ZNF568: variants seen among roughly 807,000 people sequenced by gnomAD.
ZNF568 encodes the protein zinc finger protein 568, also known as p53 inhibitor of SCO2 activation.
A neutral mutation model predicts 18.1 loss-of-function variants in ZNF568; 11 were observed. The observed-to-expected ratio is 0.61, with a 90% confidence interval of 0.38 to 1.00. ZNF568 has a LOEUF of 1.00. Among genes scored for constraint, ZNF568 ranks in the 50% least tolerant of loss-of-function variants. The pLI, the probability that ZNF568 is intolerant of heterozygous loss-of-function variation, is 0.01. For synonymous variants in ZNF568, 213 were observed against 246.6 expected, an observed-to-expected ratio of 0.86 and a Z score of 1.28; for missense variants, 639 against 768.2, an observed-to-expected ratio of 0.83 and a Z score of 1.99.
chr19:36,971,434 A>G (rs2074235158), intron 6 of ZNF568, among the ~76,000 whole-genome samples: 1 of 152,090 alleles, frequency 6.6e-6, no homozygotes. Flanking sequence ...ATGAAATGTT[A>G]TAAGTAATGT....
At chr19:36,996,821 G>T in exon 5 of ZNF568, 1 of 1,550,746 alleles carries the variant, frequency 6.4e-7, no homozygotes, top group Non-Finnish European at 8.7e-7. Flanking sequence ...AAAGCCTTTC[G>T]TTCCAGCTCA....
intron 7 of ZNF568, among the ~76,000 whole-genome samples, chr19:36,977,787 G>T (rs1004137410): frequency 5.9e-5 from 9 of 152,178 alleles, no homozygotes; most frequent in South Asian, 2.1e-4. Context: ...GCTAATGGGA[G>T]GCTGTGCATT....
intron 4 of ZNF568, among the ~76,000 whole-genome samples, chr19:36,933,980 TC>T (rs200561109): frequency 0.017 from 2,403 of 145,622 alleles, 84 homozygotes; most frequent in African/African-American, 0.057. Flanking sequence ...TTTCATCTTT[TC>T]TTTTTGTTGC....
chr19:36,930,508 C>T (rs1422378792), intron 4 of ZNF568, among the ~76,000 whole-genome samples: 2 of 152,128 alleles, frequency 1.3e-5, no homozygotes, highest in African/African-American at 4.8e-5. Context: ...CGCGCCTGGC[C>T]AGGGGTGCAA....
chr19:36,933,909 T>G (rs1399607231), intron 4 of ZNF568, among the ~76,000 whole-genome samples: 5 of 32,842 alleles, frequency 1.5e-4, no homozygotes, highest in South Asian at 1.7e-3. Flanking sequence ...GTTTTTTTTT[T>G]TGTTTTGTTT....
chr19:36,982,797 A>G (rs1339437486), downstream of ZNF568, among the ~76,000 whole-genome samples: 1 of 152,218 alleles, frequency 6.6e-6, no homozygotes, highest in Non-Finnish European at 1.5e-5. Flanking sequence ...TTCCAGTATC[A>G]TGTACACCTT....
At chr19:36,955,499 C>A (rs544940862), downstream of ZNF568, among the ~76,000 whole-genome samples, 1 of 152,056 alleles carries the variant, frequency 6.6e-6, no homozygotes, top group Non-Finnish European at 1.5e-5. Flanking sequence ...AGCAGATGAT[C>A]TGGTCTCTGT....
intron 6 of ZNF568, among the ~76,000 whole-genome samples, chr19:36,947,802 T>A (rs1348308129): frequency 6.6e-6 from 1 of 152,146 alleles, no homozygotes; most frequent in African/African-American, 2.4e-5. Flanking sequence ...ATTAATAAAC[T>A]TCATCTTTTA....
exon 8 of ZNF568, chr19:36,979,869 A>C (rs1473979312): frequency 6.6e-6 from 1 of 152,094 alleles, no homozygotes; most frequent in Non-Finnish European, 1.5e-5. Context: ...TCGTATCCTC[A>C]CCAACACTTG....
At chr19:36,929,375 C>CA (rs1160014369) in intron 4 of ZNF568, among the ~76,000 whole-genome samples, 1 of 152,000 alleles carries the variant, frequency 6.6e-6, no homozygotes, top group Admixed American at 6.6e-5. Flanking sequence ...CCAGTCTTTA[C>CA]AAAAAATTTT....
exon 5 of ZNF568, chr19:36,996,974 G>T: frequency 1.3e-6 from 2 of 1,543,390 alleles, no homozygotes; most frequent in Non-Finnish European, 1.7e-6. Flanking sequence ...AGTAAGGCGT[G>T]TGGGAAGGCC....
At chr19:36,933,829 A>G (rs763810972) in intron 4 of ZNF568, among the ~76,000 whole-genome samples, 2 of 147,732 alleles carry the variant, frequency 1.4e-5, no homozygotes, top group Admixed American at 6.7e-5. Flanking sequence ...ATAAGTTAGT[A>G]TTAATTTTTT....
In ZNF568 at chr19:36,947,084, C is replaced by T. The variant is rs533036490; in HGVS notation, c.359-2428C>T. 5.9e-5 allele frequency among the ~76,000 whole-genome samples: 9 copies of T among 152,074 alleles called. No individual in the cohort carries two copies. The East Asian group carries it at 7.8e-4, about 13-fold the overall frequency. Reference sequence around the variant, plus strand: ...AGGCTGGAGTGCAGCGGCACGATCTCGGCTCACTGCAACCTCTGCCTCCCA... The same window carrying T: ...AGGCTGGAGTGCAGCGGCACGATCTTGGCTCACTGCAACCTCTGCCTCCCA... On this transcript the variant is annotated intron_variant, in intron 6 of 6. Coordinates refer to ENST00000333987, the MANE Select transcript of ZNF568 (RefSeq NM_198539.4).
chr19:36,995,672 G>A (rs536390577), intron 4 of ZNF568, among the ~76,000 whole-genome samples: 1 of 149,342 alleles, frequency 6.7e-6, no homozygotes, highest in African/African-American at 2.5e-5. Context: ...TACCATTTTT[G>A]TTCCTATATT....
chr19:36,921,864 T>G (rs2073462260), intron 2 of ZNF568, among the ~76,000 whole-genome samples: 1 of 152,118 alleles, frequency 6.6e-6, no homozygotes, highest in African/African-American at 2.4e-5. Flanking sequence ...TATGCCAAAT[T>G]TGGGGTTGCT....
chr19:36,947,832 A>G (rs1347037522), intron 6 of ZNF568, among the ~76,000 whole-genome samples: 1 of 152,202 alleles, frequency 6.6e-6, no homozygotes, highest in Admixed American at 6.5e-5. Flanking sequence ...TAGGTTCACA[A>G]CAAAACTGAG....
At chr19:36,987,659 T>C (rs979520875) in intron 2 of ZNF568, among the ~76,000 whole-genome samples, 6 of 151,822 alleles carry the variant, frequency 4.0e-5, no homozygotes, top group Non-Finnish European at 7.4e-5. Flanking sequence ...GATATCCAGG[T>C]TGTACAAAAG....
At chr19:36,970,912 C>T (rs1193680784) in intron 6 of ZNF568, among the ~76,000 whole-genome samples, 2 of 151,912 alleles carry the variant, frequency 1.3e-5, no homozygotes, top group African/African-American at 4.8e-5. Flanking sequence ...TTTCCTCTAC[C>T]ATGGTTATAG....
chr19:36,953,563 C>T (rs1400003219), downstream of ZNF568, among the ~76,000 whole-genome samples: 3 of 152,098 alleles, frequency 2.0e-5, no homozygotes, highest in African/African-American at 7.2e-5. Flanking sequence ...TTTTATTATG[C>T]CATCTCTACA....
Sources: allele counts gnomAD v4.1 joint callset (sites outside exome capture counted in the v4.1 genomes callset), GRCh38; gene constraint gnomAD v4.1.1; transcripts MANE v1.5; gene names NCBI Gene and HGNC (gene_info 2026-07-23, HGNC 2026-07-21).